The following HAUS7 variants were observed in gnomAD, a reference collection of about 807,000 sequenced individuals.
HAUS7 encodes HAUS augmin-like complex subunit 7.
Under a neutral mutation model 28.4 loss-of-function variants are expected in HAUS7, and 3 were observed. That is an observed-to-expected ratio of 0.11 (90% CI 0.05 to 0.27). The LOEUF (loss-of-function observed/expected upper bound fraction) is 0.27, where lower values mean the gene tolerates loss of function less well. HAUS7 is among the 10% of genes least tolerant of loss of function. HAUS7 has a pLI of 1.00. For synonymous variants in HAUS7, 165 were observed against 132.1 expected (o/e 1.25, Z -1.71); for missense variants, 284 against 297.3 (o/e 0.96, Z 0.33).
At position 153,465,042 on chromosome X, in the gene HAUS7, G is replaced by A. The variant is rs1556984063; in HGVS notation, c.238C>T (p.Leu80=). The change falls in exon 3 of 10, where the codon CTG becomes TTG. Residue 80 remains leucine (L), a synonymous_variant. Coordinates refer to ENST00000370211, the MANE Select transcript of HAUS7 (RefSeq NM_001385482.1). ...EWMCTRVWPS[L]QDRFSSLKGV... Reference sequence around the variant, plus strand: ...TTCAGTGAGCTGAACCTGTCCTGCAGTGAGGGCCAGACCCTGCAGGGAAAC... The same window carrying A: ...TTCAGTGAGCTGAACCTGTCCTGCAATGAGGGCCAGACCCTGCAGGGAAAC... 8.4e-7 allele frequency: 1 copy of A among 1,196,317 alleles called. No individual in the cohort carries two copies. The highest frequency in any genetic ancestry group is 1.8e-5 in the South Asian group (1 of 56,644).
upstream of HAUS7, among the ~76,000 whole-genome samples, chrX:153,473,355 C>T (rs897175671): frequency 6.2e-5 from 7 of 112,656 alleles, no homozygotes; most frequent in Non-Finnish European, 1.3e-4. Flanking sequence ...GGGAGCCACC[C>T]CACCTGGGGG....
intron 5 of HAUS7, chrX:153,456,878 C>G: frequency 2.3e-6 from 1 of 441,399 alleles, no homozygotes; most frequent in Non-Finnish European, 3.9e-6. Context: ...TCCTCTGTGC[C>G]TGGCCCGTCT....
At chrX:153,468,407 C>G (rs2089479978) in intron 2 of HAUS7, among the ~76,000 whole-genome samples, 1 of 112,809 alleles carries the variant, frequency 8.9e-6, no homozygotes, top group Non-Finnish European at 1.9e-5. Flanking sequence ...CCCACAGGAG[C>G]CTGTGCTCTG....
chrX:153,462,586 C>T, intron 4 of HAUS7, 24 bp downstream of exon 4: 1 of 1,128,494 alleles, frequency 8.9e-7, no homozygotes, highest in Non-Finnish European at 1.2e-6. Flanking sequence ...GTGCCGTCTG[C>T]AGAGCAGACA....
intron 4 of HAUS7, among the ~76,000 whole-genome samples, chrX:153,459,908 C>CA (rs782605081): frequency 8.9e-6 from 1 of 111,868 alleles, no homozygotes; most frequent in African/African-American, 3.2e-5. Context: ...CCCAGCTACT[C>CA]AGAGGGCTGA....
At chrX:153,490,785 C>T (rs1166130574) in intron 1 of HAUS7, among the ~76,000 whole-genome samples, 1 of 112,781 alleles carries the variant, frequency 8.9e-6, no homozygotes, top group Non-Finnish European at 1.9e-5. Flanking sequence ...GCAAGAGCTA[C>T]TCCCCAATGA....
intron 1 of HAUS7, chrX:153,482,556 A>G (rs906389268): frequency 6.9e-6 from 5 of 726,564 alleles, no homozygotes; most frequent in Non-Finnish European, 8.2e-6. Context: ...TCTGCCCTCT[A>G]GGAGGCACAC....
intron 1 of HAUS7, among the ~76,000 whole-genome samples, chrX:153,477,350 G>A (rs782269394): frequency 1.7e-4 from 19 of 113,276 alleles, no homozygotes; most frequent in Admixed American, 1.3e-3. Flanking sequence ...GGCAGGGGGA[G>A]GGGCGGAGCC....
At chrX:153,459,873 G>A (rs1209865140) in intron 4 of HAUS7, among the ~76,000 whole-genome samples, 1 of 111,877 alleles carries the variant, frequency 8.9e-6, no homozygotes, top group Admixed American at 9.4e-5. Flanking sequence ...AAAATTAGCT[G>A]AGTGTGGTGG....
intron 1 of HAUS7, chrX:153,483,020 A>C (rs1256042610): frequency 8.3e-6 from 1 of 120,996 alleles, no homozygotes; most frequent in Non-Finnish European, 1.6e-5. Context: ...AGCTTGACCT[A>C]ACCTTCCAGA....
chrX:153,455,092 GC>G, intron 8 of HAUS7: 1 of 851,206 alleles, frequency 1.2e-6, no homozygotes, highest in Non-Finnish European at 1.6e-6. Flanking sequence ...ACATTGACGA[GC>G]CCACTTCCTC....
chrX:153,456,067 C>A, intron 7 of HAUS7, among the ~76,000 whole-genome samples, 198 bp downstream of exon 7: 1 of 112,607 alleles, frequency 8.9e-6, no homozygotes, highest in East Asian at 2.8e-4. Flanking sequence ...GCGTGGGCAC[C>A]ACCCAATACC....
chrX:153,474,421 G>A (rs1473857774), upstream of HAUS7, among the ~76,000 whole-genome samples: 1 of 111,705 alleles, frequency 9.0e-6, no homozygotes, highest in East Asian at 2.8e-4. Flanking sequence ...CCTCCAGTGG[G>A]CCTGGAGGTG....
intron 9 of HAUS7, among the ~76,000 whole-genome samples, chrX:153,451,804 C>T (rs782452147): frequency 1.8e-5 from 2 of 111,622 alleles, no homozygotes; most frequent in African/African-American, 3.3e-5. Flanking sequence ...GGGTGTGTGC[C>T]GGGCTGTGAA....
chrX:153,487,448 G>A (rs1257369522), intron 1 of HAUS7, among the ~76,000 whole-genome samples: 3 of 111,962 alleles, frequency 2.7e-5, no homozygotes, highest in East Asian at 2.8e-4. Context: ...GGCACCTCTC[G>A]GGAAGCCCCT....
intron 1 of HAUS7, among the ~76,000 whole-genome samples, chrX:153,488,141 G>A (rs782034757): frequency 8.9e-6 from 1 of 112,967 alleles, no homozygotes; most frequent in Non-Finnish European, 1.9e-5. Flanking sequence ...CCCAAGGAGC[G>A]CATGGCTCCG....
chrX:153,481,853 G>A, intron 1 of HAUS7: 1 of 755,889 alleles, frequency 1.3e-6, no homozygotes, highest in Non-Finnish European at 1.6e-6. Flanking sequence ...TCCTGGGGCT[G>A]CCCAACCTGG....
upstream of HAUS7, among the ~76,000 whole-genome samples, chrX:153,472,532 AG>A (rs1273699277): frequency 9.4e-6 from 1 of 106,726 alleles, no homozygotes; most frequent in Non-Finnish European, 1.9e-5. Context: ...GGGAACAGAG[AG>A]GCTGCTGGGC....
chrX:153,491,838 G>A (rs781830149), intron 1 of HAUS7, among the ~76,000 whole-genome samples: 11 of 113,261 alleles, frequency 9.7e-5, no homozygotes, highest in East Asian at 8.4e-4. Context: ...GGCTCCATCC[G>A]GCAGGAGAAG....
Sources: gnomAD v4.1 joint callset for allele counts (sites outside exome capture counted in the v4.1 genomes callset) on GRCh38, gnomAD v4.1.1 for gene constraint, MANE v1.5 for transcripts, NCBI Gene and HGNC (gene_info 2026-07-23, HGNC 2026-07-21) for gene names.